Variants in AVEN observed in about 807,000 individuals in gnomAD.
The protein encoded by AVEN is apoptosis and caspase activation inhibitor.
A neutral mutation model predicts 38.1 loss-of-function variants in AVEN; 41 were observed. The observed-to-expected ratio is 1.08, with a 90% CI of 0.84 to 1.40. AVEN has a LOEUF of 1.40. AVEN is among the 40% of genes most tolerant of loss of function. The probability of loss-of-function intolerance (pLI) is 0.00; values close to 1 mark genes in which losing one functional copy is unlikely to be tolerated. For synonymous variants in AVEN, 206 were observed against 171.8 expected (o/e 1.20, Z -1.56); for missense variants, 605 against 438.8 (o/e 1.38, Z -3.38).
chr15:33,864,056 C>G, downstream of AVEN: 1 of 1,048,116 alleles, frequency 9.5e-7, no homozygotes, highest in Non-Finnish European at 1.4e-6. Flanking sequence ...ACTAGCCTTT[C>G]TGAGCCCTGA....
At chr15:33,858,081 G>A (rs894484327), downstream of AVEN, 14 of 910,424 alleles carry the variant, frequency 1.5e-5, no homozygotes, top group Admixed American at 2.8e-4. Flanking sequence ...CCAAACAGGA[G>A]AGTGTCCTGG....
chr15:33,871,014 A>C lies in AVEN; in HGVS notation c.533T>G (p.Val178Gly), dbSNP rs753025874. 1.2e-6 allele frequency: 2 copies of C among 1,600,032 alleles called. No individual in the cohort carries two copies. The highest frequency in any genetic ancestry group is 1.7e-6 in the Non-Finnish European group (2 of 1,171,892). ...SCPKQNSAFY[V>G]DSELLVRALQ... The stretch of plus-strand genomic sequence containing the variant: ...GGCTCGAACCAATAACTCACTATCC[A>C]CATAAAATGCTGAATTCTATATATA... Residue 178 changes from valine to glycine, a missense_variant, in exon 4 of 6, where the codon GTG becomes GGG. Val to Gly is a moderately radical substitution (Grantham distance 109). Coordinates refer to ENST00000306730, the MANE Select transcript of AVEN (RefSeq NM_020371.3).
At chr15:34,043,371 CT>C (rs1238389388), upstream of AVEN, among the ~76,000 whole-genome samples, 1 of 152,134 alleles carries the variant, frequency 6.6e-6, no homozygotes, top group Non-Finnish European at 1.5e-5. Context: ...GGGAAAGTAC[CT>C]CTTCCTGATT....
intron 1 of AVEN, among the ~76,000 whole-genome samples, chr15:34,012,646 T>A (rs1897684638): frequency 6.6e-6 from 1 of 152,244 alleles, no homozygotes; most frequent in African/African-American, 2.4e-5. Flanking sequence ...CAGGTTTTAA[T>A]GTCATCACAT....
At chr15:33,935,527 T>C (rs1192919550) in intron 2 of AVEN, among the ~76,000 whole-genome samples, 1 of 152,110 alleles carries the variant, frequency 6.6e-6, no homozygotes, top group East Asian at 1.9e-4. Flanking sequence ...TATATATGTG[T>C]ATATATATGT....
At chr15:33,896,967 A>T (rs1892256144) in intron 2 of AVEN, among the ~76,000 whole-genome samples, 1 of 152,174 alleles carries the variant, frequency 6.6e-6, no homozygotes, top group Admixed American at 6.5e-5. Flanking sequence ...ACACTCAAAA[A>T]TCAGCTGAAT....
intron 4 of AVEN, 150 bp from the exon 5 acceptor site, chr15:33,868,005 T>C: frequency 7.4e-6 from 8 of 1,080,466 alleles, no homozygotes; most frequent in Non-Finnish European, 1.0e-5. Flanking sequence ...TTCCAGGCCC[T>C]GGTGGGGGCA....
At chr15:34,034,969 C>T (rs1449191639) in intron 1 of AVEN, among the ~76,000 whole-genome samples, 3 of 152,174 alleles carry the variant, frequency 2.0e-5, no homozygotes, top group Non-Finnish European at 4.4e-5. Context: ...GGCTGACAAG[C>T]GGCTGGTGGC....
chr15:33,866,746 A>ATGTT lies in AVEN; in HGVS notation c.974-22_974-19dup, dbSNP rs757794517. The ATGTT allele has an allele frequency of 4.5e-6, 7 of 1,559,838 alleles. No homozygotes were observed. The African/African-American group carries it at 8.1e-5, about 18-fold the overall frequency. On this transcript the variant is annotated intron_variant, in intron 5 of 5. Coordinates refer to ENST00000306730, the MANE Select transcript of AVEN (RefSeq NM_020371.3). ...TGCACAAACTGGGGGAAAAAAAACA[A>ATGTT]TGTTAACACCCTCAGATGAGTCCTA... is the stretch of plus-strand genomic sequence containing the variant.
downstream of AVEN, chr15:33,865,236 AAAG>A (rs1567374877): frequency 6.3e-7 from 1 of 1,591,602 alleles, no homozygotes; most frequent in Admixed American, 1.7e-5. Flanking sequence ...AATCTGAATC[AAAG>A]AAGCGCGACA....
intron 2 of AVEN, among the ~76,000 whole-genome samples, chr15:33,920,563 C>T (rs142183637): frequency 6.6e-5 from 10 of 152,200 alleles, no homozygotes; most frequent in South Asian, 4.1e-4. Context: ...TATCTTTCAA[C>T]GAAAAGAACA....
rs539119716 is a variant in AVEN, at chr15:33,973,695, T to C, written c.445+29337A>G. ...CATCTCTATAAAAAAATCTAAAAGT[T>C]AAAAAAATAAGAAAATCTATTTATA... On this transcript the variant is annotated intron_variant, in intron 2 of 5. Transcript: ENST00000306730. 1.4e-4 allele frequency among the ~76,000 whole-genome samples: 22 copies of C among 152,202 alleles called. 1 individual carries two copies. The South Asian group carries it at 4.1e-3, about 29-fold the overall frequency.
At chr15:33,911,794 T>G (rs140326793) in intron 2 of AVEN, among the ~76,000 whole-genome samples, 4,924 of 152,258 alleles carry the variant, frequency 0.032, 99 homozygotes, top group South Asian at 0.048. Context: ...ACACAGAAAA[T>G]TGAAGTAGCA....
intron 2 of AVEN, chr15:33,883,844 G>C (rs768637986): frequency 3.3e-5 from 5 of 152,104 alleles, no homozygotes; most frequent in Non-Finnish European, 7.4e-5. Context: ...GAATGTATTT[G>C]AGACAAAATA....
intron 5 of AVEN, among the ~76,000 whole-genome samples, chr15:34,050,163 C>T (rs1210671944): frequency 1.3e-5 from 2 of 152,158 alleles, no homozygotes; most frequent in African/African-American, 4.8e-5. Flanking sequence ...GCTGGGATTA[C>T]AGGCGTGAGC....
rs75087465 is a variant in AVEN, at chr15:34,009,197, T to C, written c.268-5988A>G. On this transcript the variant is annotated intron_variant, in intron 1 of 5. Transcript: ENST00000306730. Reference sequence around the variant, plus strand: ...CAAAAGTGAGGGTGAAAAAAAGACATTCCCAGATAAACAAAACGTAAGAAA... The same window carrying C: ...CAAAAGTGAGGGTGAAAAAAAGACACTCCCAGATAAACAAAACGTAAGAAA... Among the ~76,000 whole-genome samples, 1,512 of 152,132 alleles carry C rather than the reference T, an allele frequency of 9.9e-3. 35 individuals are homozygous for C. The highest frequency in any genetic ancestry group is 0.035 in the African/African-American group (1,444 of 41,508).
chr15:33,992,314 C>T (rs995128162), intron 2 of AVEN, among the ~76,000 whole-genome samples: 6 of 151,368 alleles, frequency 4.0e-5, no homozygotes, highest in Non-Finnish European at 7.4e-5. Flanking sequence ...GGCGTCAGCC[C>T]GGGGGGCGGA....
chr15:33,968,319 T>C, intron 2 of AVEN, among the ~76,000 whole-genome samples: 1 of 152,078 alleles, frequency 6.6e-6, no homozygotes, highest in Non-Finnish European at 1.5e-5. Context: ...CTCTTCTCAA[T>C]GACAAGCTGT....
At chr15:33,964,310 T>A (rs1895307463) in intron 2 of AVEN, among the ~76,000 whole-genome samples, 1 of 152,096 alleles carries the variant, frequency 6.6e-6, no homozygotes, top group Non-Finnish European at 1.5e-5. Context: ...CAGTTCAGTA[T>A]AAGGTCAAAA....
Sources: allele counts gnomAD v4.1 joint callset (sites outside exome capture counted in the v4.1 genomes callset), GRCh38; gene constraint gnomAD v4.1.1; transcripts MANE v1.5; gene names NCBI Gene and HGNC (gene_info 2026-07-23, HGNC 2026-07-21).